The following HK3 variants were observed in gnomAD, a reference collection of about 807,000 sequenced individuals.
HK3 encodes the protein hexokinase 3, also known as hexokinase-3.
In HK3, 93 loss-of-function variants were observed where a neutral mutation model predicts 91.0. That is an observed-to-expected ratio of 1.02 (90% CI 0.86 to 1.21). The LOEUF (loss-of-function observed/expected upper bound fraction) is 1.21, where lower values mean the gene tolerates loss of function less well. Among genes scored for constraint, HK3 ranks in the 50% most tolerant of loss-of-function variants. The pLI is 0.00. For missense variants in HK3, 1,235 were observed against 1,247.4 expected (o/e 0.99, Z 0.15); for synonymous variants, 519 against 516.9 (o/e 1.00, Z -0.06).
intron 1 of HK3, among the ~76,000 whole-genome samples, chr5:176,897,011 C>T (rs1022165447): frequency 6.6e-6 from 1 of 152,036 alleles, no homozygotes; most frequent in African/African-American, 2.4e-5. Context: ...GGGAACCCTG[C>T]TCTCCACAAG....
chr5:176,884,573 T>C lies in HK3; in HGVS notation c.1858-439A>G, dbSNP rs970551419. Among the ~76,000 whole-genome samples the C allele has an allele frequency of 2.6e-5, 4 of 152,178 alleles. No homozygotes were observed. The highest frequency in any genetic ancestry group is 9.7e-5 in the African/African-American group (4 of 41,438). On this transcript the variant is annotated intron_variant, in intron 13 of 18. Coordinates refer to ENST00000292432, the MANE Select transcript of HK3 (RefSeq NM_002115.3). This position sits in a 1 kb window ranked among gnomAD's most constrained non-coding sequence, Gnocchi z 4.1. ...TCCAAGTTACTCTAGAGGAAGGAAT[T>C]CTCAGCTTCAGGGATAGAGCCGTGT...
intron 8 of HK3, 84 bp from the exon 9 acceptor site, chr5:176,888,948 G>T (rs555930000): frequency 6.8e-7 from 1 of 1,470,602 alleles, no homozygotes; most frequent in East Asian, 2.3e-5. Context: ...CCCAAAGAAG[G>T]ATTCTTTTCT....
intron 2 of HK3, among the ~76,000 whole-genome samples, chr5:176,895,733 C>A (rs1561687355): frequency 6.6e-6 from 1 of 152,194 alleles, no homozygotes; most frequent in African/African-American, 2.4e-5. Flanking sequence ...CCACTCTAGA[C>A]TGTGTCACCC....
chr5:176,882,305 G>A (rs1758459004), intron 15 of HK3, among the ~76,000 whole-genome samples, 178 bp from the exon 16 acceptor site: 1 of 152,162 alleles, frequency 6.6e-6, no homozygotes. Context: ...GACCCTGCCA[G>A]CTCCAAGCCC....
In HK3 at chr5:176,881,829, G is replaced by A. The variant is rs760068551; in HGVS notation, c.2256C>T (p.Ser752=). 1.5e-5 allele frequency: 25 copies of A among 1,613,812 alleles called. No individual in the cohort carries two copies. The highest frequency in any genetic ancestry group is 1.9e-5 in the Non-Finnish European group (22 of 1,180,018). ...PGKQRFEKMI[S]GMYLGEIVRH... ...GGACGATCTCCCCCAGGTACATGCC[G>A]CTGATCATCTTTTCAAACCTGCATG... Residue 752 remains serine (S), a synonymous_variant, in exon 17 of 19, where the codon AGC becomes AGT. Coordinates refer to ENST00000292432, the MANE Select transcript of HK3 (RefSeq NM_002115.3).
At chr5:176,895,613 T>C (rs1273906996) in intron 2 of HK3, among the ~76,000 whole-genome samples, 2 of 152,176 alleles carry the variant, frequency 1.3e-5, no homozygotes, top group African/African-American at 2.4e-5. Context: ...AAATCGTCTG[T>C]GTGCCTGATT....
chr5:176,886,955 TG>T lies in HK3; in HGVS notation c.1857+46del, dbSNP rs781018679. ...TCCTGCCCACTCCATGAAGGGTATG[TG>T]GGGGCAGGAGGCCCTTGGGAATCAC... On this transcript the variant is annotated intron_variant, in intron 13 of 18. Transcript: ENST00000292432. The T allele has an allele frequency of 2.4e-5, 39 of 1,608,796 alleles. No homozygotes were observed. The Admixed American group carries it at 6.5e-4, about 27-fold the overall frequency.
rs572911989 is a variant in HK3, at chr5:176,891,083, T to C, written c.368A>G (p.Gln123Arg). The C allele has an allele frequency of 3.1e-6, 5 of 1,614,104 alleles. 1 individual carries two copies. In the South Asian group the frequency reaches 4.4e-5, roughly 14 times the overall value. ...IEGHRVEPRSQEFVIPQEVML... is the reference protein window; with the variant it reads ...IEGHRVEPRSREFVIPQEVML... ...CACCTCTTGGGGGATCACAAACTCC[T>C]GGCTTCTGGGCTCCACCCTATGCCC... The change falls in exon 4 of 19, where the codon CAG (glutamine) becomes CGG (arginine). Residue 123 changes from glutamine (Q) to arginine (R), a missense_variant. Gln to Arg is a conservative substitution (Grantham distance 43). Coordinates refer to ENST00000292432, the MANE Select transcript of HK3 (RefSeq NM_002115.3).
chr5:176,892,244 G>T (rs759801655), intron 2 of HK3, among the ~76,000 whole-genome samples: 1 of 152,186 alleles, frequency 6.6e-6, no homozygotes, highest in African/African-American at 2.4e-5. Context: ...AAACGTAGGG[G>T]GGCAGGATAA....
At position 176,881,729 on chromosome 5, in the gene HK3, C is replaced by G. The variant is rs1314307420; in HGVS notation, c.2356G>C (p.Asp786His). ...GAGAGGAACTTGGTCTTGAAGATGT[C>G]CCTGGTCTGAAGGCGCTGGATCTGC... ...GQQIQRLQTR[D>H]IFKTKFLSEI... Residue 786 changes from aspartate (D) to histidine (H), a missense_variant, in exon 17 of 19, where the codon GAC becomes CAC. By Grantham distance (81) the Asp-to-His change is moderately conservative. This residue lies in a region of HK3 where 513 missense variants were observed against 477.4 expected (regional missense o/e 1.07). Coordinates refer to ENST00000292432, the MANE Select transcript of HK3 (RefSeq NM_002115.3). 1 of 1,614,174 alleles carries G rather than the reference C, an allele frequency of 6.2e-7. No homozygotes were observed. The highest frequency in any genetic ancestry group is 1.7e-5 in the Admixed American group (1 of 60,030).
At chr5:176,897,514 G>A (rs1465298486) in intron 1 of HK3, among the ~76,000 whole-genome samples, 1 of 152,052 alleles carries the variant, frequency 6.6e-6, no homozygotes, top group African/African-American at 2.4e-5. Context: ...CTCCCACTAT[G>A]CTCACTAATT....
At position 176,881,090 on chromosome 5, in the gene HK3, G is replaced by A; in HGVS notation, c.2755C>T (p.Gln919Ter). The change falls in exon 19 of 19, where the codon CAG (glutamine) becomes TAG (stop). Residue 919 changes from glutamine (Q) to a stop codon, truncating the protein, a stop_gained. Coordinates refer to ENST00000292432, the MANE Select transcript of HK3 (RefSeq NM_002115.3). LOFTEE classifies it high-confidence loss of function. ...AGGTTTCCTCAGACACGAGTCAACT[G>A]CGCAAGGCGGCAGGCAACAGCGGTG... ...LVTAVACRLA[Q>*]LTRV 2.5e-6 allele frequency: 4 copies of A among 1,609,040 alleles called. No individual in the cohort carries two copies. In the South Asian group the frequency reaches 4.4e-5, roughly 18 times the overall value.
In HK3 at chr5:176,888,350, ACT is replaced by A; in HGVS notation, c.1284_1285del (p.Cys430Ter). On this transcript the variant is annotated frameshift_variant, in exon 10 of 19. Coordinates refer to ENST00000292432, the MANE Select transcript of HK3 (RefSeq NM_002115.3). LOFTEE classifies it high-confidence loss of function. ...ACAATACCTGGGGTGCCGCTCACAC[ACT>A]CGGCCTCCGGTGGCCACAGCAACCT... The A allele has an allele frequency of 1.3e-6, 2 of 1,557,242 alleles. No homozygotes were observed. The highest frequency in any genetic ancestry group is 1.7e-6 in the Non-Finnish European group (2 of 1,149,942).
At position 176,891,424 on chromosome 5, in the gene HK3, G is replaced by A. The variant is rs946975157; in HGVS notation, c.223C>T (p.Leu75=). Residue 75 remains leucine, a synonymous_variant, in exon 3 of 19, where the codon CTG becomes TTG. Transcript: ENST00000292432. ...QASPAPAVRM[L]PTYVGSTPHG... is the part of the protein sequence containing the mutation. Reference sequence around the variant, plus strand: ...GGGGTGGACCCCACGTATGTAGGCAGCATCCGGACCGCAGGGGCAGGGCTG... The same window carrying A: ...GGGGTGGACCCCACGTATGTAGGCAACATCCGGACCGCAGGGGCAGGGCTG... 10 of 1,613,652 alleles carry A rather than the reference G, an allele frequency of 6.2e-6. No individual in the cohort carries two copies. The African/African-American group carries it at 1.2e-4, about 19-fold the overall frequency.
Position 176,887,856 on chromosome 5 carries a change from C to T in HK3, c.1305-110G>A. On this transcript the variant is annotated intron_variant, in intron 10 of 18. Transcript: ENST00000292432. This position sits in a 1 kb window ranked among gnomAD's most constrained non-coding sequence, Gnocchi z 4.9. ...ATACATACAGGTGTGCCCAGCTTGG[C>T]CCCAGACCCCTAGGGCCTCCTGAAG... is the stretch of plus-strand genomic sequence containing the variant. 1.7e-6 allele frequency: 2 copies of T among 1,164,094 alleles called. No individual in the cohort carries two copies. The highest frequency in any genetic ancestry group is 1.6e-5 in the South Asian group (1 of 64,494). 72.1% of individuals were successfully genotyped at this position (1,164,094 alleles called of 1,614,324 possible).
At position 176,891,371 on chromosome 5, in the gene HK3, C is replaced by CAATCTAT. The variant is rs2149376966; in HGVS notation, c.259+10_259+16dup. On this transcript the variant is annotated intron_variant, in intron 3 of 18. Coordinates refer to ENST00000292432, the MANE Select transcript of HK3 (RefSeq NM_002115.3). ...CTCTTCCAGGCCTGGCCACGCATCT[C>CAATCTAT]AATCTATGATACCCACCAGTGCCAT... The CAATCTAT allele has an allele frequency of 1.9e-6, 3 of 1,610,724 alleles. No individual in the cohort carries two copies. The East Asian group carries it at 6.7e-5, about 36-fold the overall frequency.
intron 1 of HK3, among the ~76,000 whole-genome samples, chr5:176,897,647 T>C (rs1395367624): frequency 6.6e-6 from 1 of 152,110 alleles, no homozygotes; most frequent in Non-Finnish European, 1.5e-5. Context: ...TGCTACAGAA[T>C]TCCCCCTGTC....
rs752996887 is a variant in HK3 at position 176,881,970 on chromosome 5, C to G, written c.2211G>C (p.Gln737His). 1 of 1,613,622 alleles carries G rather than the reference C, an allele frequency of 6.2e-7. No individual in the cohort carries two copies. The highest frequency in any genetic ancestry group is 1.1e-5 in the South Asian group (1 of 91,084). ...LSTRFDASVD[Q>H]ASINPGKQRF... ...TCTGCTTGCCGGGGTTGATGGACGC[C>G]TGGTCCACACTTGCATCAAAGCGGG... The change falls in exon 16 of 19, where the codon CAG (glutamine) becomes CAC (histidine). Residue 737 changes from glutamine (Q) to histidine (H), a missense_variant. Gln to His is a conservative substitution (Grantham distance 24). Transcript: ENST00000292432.
chr5:176,888,050 C>T (rs2149375301), intron 10 of HK3, among the ~76,000 whole-genome samples: 1 of 152,234 alleles, frequency 6.6e-6, no homozygotes, highest in Middle Eastern at 3.4e-3. Flanking sequence ...AGGCGTGTAC[C>T]ACCATAGCCA....
Sources: allele counts gnomAD v4.1 joint callset (sites outside exome capture counted in the v4.1 genomes callset), GRCh38; gene constraint gnomAD v4.1.1; regional missense constraint gnomAD v4.1.1; non-coding constraint Gnocchi (gnomAD v3.1); transcripts MANE v1.5; gene names NCBI Gene and HGNC (gene_info 2026-07-23, HGNC 2026-07-21).